MRPL34: variants seen among roughly 807,000 people sequenced by gnomAD.
The protein encoded by MRPL34 is mitochondrial ribosomal protein L34, also known as large ribosomal subunit protein bL34m.
In MRPL34, 8 loss-of-function variants were observed where a neutral mutation model predicts 6.7. That is an observed-to-expected ratio of 1.20 (90% CI 0.70 to 2.16). The LOEUF (loss-of-function observed/expected upper bound fraction) is 2.16, where lower values mean the gene tolerates loss of function less well. MRPL34 is among the 30% of genes most tolerant of loss of function. The pLI, the probability that MRPL34 is intolerant of heterozygous loss-of-function variation, is 0.00. For missense variants in MRPL34, 146 were observed against 125.5 expected, an observed-to-expected ratio of 1.16 and a Z score of -0.78; for synonymous variants, 59 against 55.1, an observed-to-expected ratio of 1.07 and a Z score of -0.31.
In MRPL34 at chr19:17,306,331, G is replaced by A; in HGVS notation, c.231G>A (p.Gln77=). The change falls in exon 2 of 2, where the codon CAG becomes CAA. Residue 77 remains glutamine (Q), a synonymous_variant. Transcript: ENST00000252602. The stretch of plus-strand genomic sequence containing the variant: ...GCCTGAGCACGCCGGCCGGCGTGCA[G>A]GTCATCCTTCGCCGAATGCTCAAGG... ...VRRLSTPAGV[Q]VILRRMLKGR... 6.2e-7 allele frequency: 1 copy of A among 1,610,052 alleles called. No homozygotes were observed. Among genetic ancestry groups the A allele is most frequent in the South Asian group, 1.1e-5 (1 of 90,726 alleles).
At position 17,297,316 on chromosome 19, in the gene MRPL34, G is replaced by A. The variant is rs865848990; in HGVS notation, c.214+4462G>A. On this transcript the variant is annotated intron_variant, in intron 1 of 2. Coordinates refer to the MRPL34 transcript ENST00000595444. ...TTTTGTTTTTTTGTTTTTTTCTCGA[G>A]ACAGAGTCTTGCTCTGTCACTCAGG... is the stretch of plus-strand genomic sequence containing the variant. 2.6e-5 allele frequency among the ~76,000 whole-genome samples: 4 copies of A among 151,862 alleles called. No homozygotes were observed. The East Asian group carries it at 7.7e-4, about 29-fold the overall frequency.
chr19:17,292,865 G>T, intron 1 of MRPL34: 1 of 1,596,260 alleles, frequency 6.3e-7, no homozygotes, highest in Non-Finnish European at 8.6e-7. Flanking sequence ...GTAGGCGGGG[G>T]CAAGAGGGTG....
Position 17,294,236 on chromosome 19 carries a change from G to A in MRPL34, c.214+1382G>A, listed in dbSNP as rs1009034203. 3.8e-6 allele frequency: 6 copies of A among 1,570,812 alleles called. No homozygotes were observed. In the African/African-American group the frequency reaches 5.4e-5, roughly 14 times the overall value. On this transcript the variant is annotated intron_variant, in intron 1 of 2. Transcript: ENST00000595444. ...CCCCCGCAGAGGCCACGCCCCTCCC[G>A]GGCAGCACCCTGGGGATTTGTAGCT...
upstream of MRPL34, chr19:17,302,736 A>AGGGCCCTG (rs1487823632): frequency 6.6e-6 from 1 of 152,252 alleles, no homozygotes; most frequent in Non-Finnish European, 1.5e-5. Flanking sequence ...TGGGAGAGGC[A>AGGGCCCTG]GGGCCCTGGC....
intron 1 of MRPL34, chr19:17,294,455 C>G (rs553178516): frequency 6.2e-7 from 1 of 1,614,064 alleles, no homozygotes; most frequent in African/African-American, 1.3e-5. Flanking sequence ...AAAGCGTTGC[C>G]CTCCTTTAAC....
intron 1 of MRPL34, chr19:17,294,201 G>C: frequency 6.8e-7 from 1 of 1,463,188 alleles, no homozygotes; most frequent in Non-Finnish European, 9.1e-7. Flanking sequence ...CCCACCAAGC[G>C]CTACCACGCC....
upstream of MRPL34, among the ~76,000 whole-genome samples, chr19:17,298,985 G>A (rs1186950135): frequency 2.0e-5 from 3 of 152,106 alleles, no homozygotes; most frequent in African/African-American, 7.2e-5. Context: ...CAAGTGATCT[G>A]CCTGCTTTGG....
At chr19:17,304,017 C>T (rs1177147251), upstream of MRPL34, among the ~76,000 whole-genome samples, 2 of 151,710 alleles carry the variant, frequency 1.3e-5, no homozygotes, top group Non-Finnish European at 2.9e-5. Flanking sequence ...CCAGACTGGT[C>T]TCGAACTCTG....
At chr19:17,306,103 G>T (rs1258226932) in intron 1 of MRPL34, 63 bp from the exon 2 acceptor site, 2 of 1,494,418 alleles carry the variant, frequency 1.3e-6, no homozygotes, top group East Asian at 2.4e-5. Context: ...GCTCAGAGAG[G>T]TTGAGCGCCA....
chr19:17,300,964 G>A (rs1050853182), upstream of MRPL34: 5 of 1,613,326 alleles, frequency 3.1e-6, no homozygotes, highest in East Asian at 2.2e-5. Flanking sequence ...CACCTGGGGC[G>A]CAGAGCTGGC....
At position 17,306,247 on chromosome 19, in the gene MRPL34, C is replaced by T; in HGVS notation, c.147C>T (p.Arg49=). 1 of 1,589,450 alleles carries T rather than the reference C, an allele frequency of 6.3e-7. No individual in the cohort carries two copies. Among genetic ancestry groups the T allele is most frequent in the Non-Finnish European group, 8.6e-7 (1 of 1,168,656 alleles). Reference sequence around the variant, plus strand: ...CGCAGCAGGCCCGGGGCAAGGCTCGCGGGAATGAGTATCAGCCGAGCAACA... The same window carrying T: ...CGCAGCAGGCCCGGGGCAAGGCTCGTGGGAATGAGTATCAGCCGAGCAACA... The part of the protein sequence containing the change: ...PTPQQARGKA[R]GNEYQPSNIK... Residue 49 remains arginine, a synonymous_variant, in exon 2 of 2, where the codon CGC becomes CGT. Transcript: ENST00000252602.
chr19:17,298,735 CTT>C (rs34731394), upstream of MRPL34, among the ~76,000 whole-genome samples: 104 of 70,460 alleles, frequency 1.5e-3, no homozygotes, highest in East Asian at 3.1e-3. Flanking sequence ...AACAACACTG[CTT>C]TTTTTTTTTT....
upstream of MRPL34, chr19:17,305,584 GGAGAGA>G: frequency 2.5e-6 from 1 of 400,560 alleles, no homozygotes; most frequent in Non-Finnish European, 4.6e-6. Context: ...CCGGTCAATA[GGAGAGA>G]GAACTACAGC....
chr19:17,292,787 G>A lies in MRPL34; in HGVS notation c.147G>A (p.Met49Ile), dbSNP rs752558506. Residue 49 changes from methionine to isoleucine, a missense_variant, in exon 1 of 3, where the codon ATG becomes ATA. Physicochemically the swap from Met to Ile is conservative, Grantham distance 10. Transcript: ENST00000595444. ...TCTCAGGGCATTCCAGCATCACCATGTGGCTGCCCTCGTCGATGAGCTTCA... is the reference window on the plus strand; with the variant it reads ...TCTCAGGGCATTCCAGCATCACCATATGGCTGCCCTCGTCGATGAGCTTCA... 5.6e-6 allele frequency: 9 copies of A among 1,613,378 alleles called. 1 individual carries two copies. Among genetic ancestry groups the A allele is most frequent in the South Asian group, 1.1e-5 (1 of 90,866 alleles).
upstream of MRPL34, chr19:17,302,723 G>C: frequency 6.6e-6 from 1 of 152,260 alleles, no homozygotes; most frequent in East Asian, 1.9e-4. Flanking sequence ...GTGGCGAAGA[G>C]GATGGGAGAG....
chr19:17,292,762 T>C, exon 1 of MRPL34: 1 of 1,613,822 alleles, frequency 6.2e-7, no homozygotes, highest in Non-Finnish European at 8.5e-7. Flanking sequence ...GTGTTGACCG[T>C]CTCAGGGCAT....
chr19:17,298,633 T>C (rs1335854097), upstream of MRPL34, among the ~76,000 whole-genome samples: 1 of 151,338 alleles, frequency 6.6e-6, no homozygotes, highest in Non-Finnish European at 1.5e-5. Context: ...TGTAGTTGCA[T>C]CCAGTGGGCA....
upstream of MRPL34, among the ~76,000 whole-genome samples, chr19:17,304,624 A>G (rs766285164): frequency 6.6e-6 from 1 of 152,138 alleles, no homozygotes; most frequent in Non-Finnish European, 1.5e-5. Flanking sequence ...GGGAGACTAT[A>G]CAGTTTATTC....
upstream of MRPL34, chr19:17,301,114 C>A: frequency 6.2e-7 from 1 of 1,613,208 alleles, no homozygotes. Flanking sequence ...GCCTTTGCAG[C>A]TAGTGATGCG....
Sources: gnomAD v4.1 joint callset for allele counts (sites outside exome capture counted in the v4.1 genomes callset) on GRCh38, gnomAD v4.1.1 for gene constraint, MANE v1.5 for transcripts, NCBI Gene and HGNC (gene_info 2026-07-23, HGNC 2026-07-21) for gene names.